The following CYSLTR2 variants were observed in gnomAD, a reference collection of about 807,000 sequenced individuals.
CYSLTR2 encodes G-protein coupled receptor GPCR21.
For missense variants in CYSLTR2, 398 were observed against 411.9 expected, an observed-to-expected ratio of 0.97 and a Z score of 0.29; for synonymous variants, 179 against 160.8, an observed-to-expected ratio of 1.11 and a Z score of -0.86.
In CYSLTR2 at chr13:48,707,060, C is replaced by G. The variant is rs780119389; in HGVS notation, c.243C>G (p.Ala81=). Reference sequence around the variant, plus strand: ...TGAACGTTTTCATGCTAAATCTGGCCATTTCAGATCTCCTGTTCATAAGCA... The same window carrying G: ...TGAACGTTTTCATGCTAAATCTGGCGATTTCAGATCTCCTGTTCATAAGCA... ...TSVNVFMLNL[A]ISDLLFISTL... is the part of the protein sequence containing the mutation. The change falls in exon 5 of 5, where the codon GCC becomes GCG. Residue 81 remains alanine (A), a synonymous_variant. Transcript: ENST00000682523. 1 of 1,614,166 alleles carries G rather than the reference C, an allele frequency of 6.2e-7. No individual in the cohort carries two copies. Among genetic ancestry groups the G allele is most frequent in the East Asian group, 2.2e-5 (1 of 44,888 alleles).
intron 4 of CYSLTR2, among the ~76,000 whole-genome samples, chr13:48,697,545 C>T (rs1954224691): frequency 6.6e-6 from 1 of 152,126 alleles, no homozygotes; most frequent in Admixed American, 6.5e-5. Context: ...TAGATAAAAC[C>T]ACAAAGATGG....
intron 4 of CYSLTR2, among the ~76,000 whole-genome samples, 160 bp downstream of exon 4, chr13:48,696,786 A>T (rs1444964896): frequency 6.6e-6 from 1 of 152,152 alleles, no homozygotes; most frequent in African/African-American, 2.4e-5. Context: ...GGACACTCCC[A>T]CCCTAATACT....
At chr13:48,683,602 G>C (rs1032242780) in intron 1 of CYSLTR2, among the ~76,000 whole-genome samples, 5 of 151,736 alleles carry the variant, frequency 3.3e-5, no homozygotes, top group Admixed American at 6.6e-5. Context: ...TTATAGGTTG[G>C]TTTAAGTTCT....
chr13:48,662,290 C>A (rs1180524534), intron 1 of CYSLTR2, among the ~76,000 whole-genome samples: 1 of 152,168 alleles, frequency 6.6e-6, no homozygotes, highest in African/African-American at 2.4e-5. Context: ...CATAACTTGG[C>A]TATTGTGAAT....
At chr13:48,692,523 T>A (rs191134401) in intron 2 of CYSLTR2, among the ~76,000 whole-genome samples, 2 of 151,660 alleles carry the variant, frequency 1.3e-5, no homozygotes, top group Admixed American at 1.3e-4. Context: ...ACATTTTAAC[T>A]GTAGCTTTAA....
At chr13:48,687,519 A>T (rs1366993428) in intron 1 of CYSLTR2, among the ~76,000 whole-genome samples, 1 of 152,112 alleles carries the variant, frequency 6.6e-6, no homozygotes, top group African/African-American at 2.4e-5. Context: ...TCTATCAATC[A>T]TCTATTATCT....
chr13:48,676,271 T>C (rs1458906380), intron 1 of CYSLTR2, among the ~76,000 whole-genome samples: 1 of 152,200 alleles, frequency 6.6e-6, no homozygotes, highest in Admixed American at 6.5e-5. Flanking sequence ...CTGACTCTCA[T>C]ATATGAGAAT....
At chr13:48,679,236 TA>T (rs956683718) in intron 1 of CYSLTR2, among the ~76,000 whole-genome samples, 3 of 151,958 alleles carry the variant, frequency 2.0e-5, no homozygotes, top group Admixed American at 6.6e-5. Context: ...CCCAGAACCT[TA>T]AAAAAACTCC....
intron 1 of CYSLTR2, among the ~76,000 whole-genome samples, chr13:48,656,145 T>C (rs1952992061): frequency 6.6e-6 from 1 of 152,240 alleles, no homozygotes; most frequent in Non-Finnish European, 1.5e-5. Flanking sequence ...TAAGTTTATT[T>C]CAGCTTGTAT....
intron 1 of CYSLTR2, among the ~76,000 whole-genome samples, chr13:48,690,551 T>C (rs1398828900): frequency 1.3e-5 from 2 of 152,210 alleles, no homozygotes; most frequent in African/African-American, 4.8e-5. Context: ...TGTGATGGAT[T>C]ACGTTTATTG....
intron 1 of CYSLTR2, among the ~76,000 whole-genome samples, chr13:48,662,855 A>G (rs1328097534): frequency 6.6e-6 from 1 of 152,068 alleles, no homozygotes; most frequent in Non-Finnish European, 1.5e-5. Context: ...CTAGTTTGAT[A>G]ATCCCATTTG....
chr13:48,697,920 G>A (rs1954237111), intron 4 of CYSLTR2, among the ~76,000 whole-genome samples: 1 of 152,176 alleles, frequency 6.6e-6, no homozygotes, highest in Non-Finnish European at 1.5e-5. Flanking sequence ...GGTTATCAGT[G>A]ATTTAAGATC....
chr13:48,669,714 T>C (rs1953369536), intron 1 of CYSLTR2, among the ~76,000 whole-genome samples: 1 of 152,234 alleles, frequency 6.6e-6, no homozygotes, highest in South Asian at 2.1e-4. Flanking sequence ...GTCTTTGCTA[T>C]TGTGAATAAG....
At chr13:48,668,819 C>T (rs1953339524) in intron 1 of CYSLTR2, among the ~76,000 whole-genome samples, 1 of 152,046 alleles carries the variant, frequency 6.6e-6, no homozygotes, top group Non-Finnish European at 1.5e-5. Flanking sequence ...TCCATGTGTT[C>T]CCATTGTTCA....
At position 48,691,193 on chromosome 13, in the gene CYSLTR2, C is replaced by A. The variant is rs185027075; in HGVS notation, c.-265-19C>A. 5 of 151,908 alleles carry A rather than the reference C, an allele frequency of 3.3e-5. No homozygotes were observed. The East Asian group carries it at 9.7e-4, about 29-fold the overall frequency. 9.4% of individuals were successfully genotyped at this position (151,908 alleles called of 1,614,324 possible). A position where few individuals can be genotyped will look rare whatever the true frequency, so the allele number is the denominator to read the frequency against. On this transcript the variant is annotated intron_variant, in intron 1 of 4. Transcript: ENST00000682523. ...TACTAGGCAAATTTTACTTTTTGTT[C>A]GTTTGTTTGTTTTTTCAGTCTGAAC...
intron 1 of CYSLTR2, among the ~76,000 whole-genome samples, chr13:48,687,381 T>C (rs531626244): frequency 2.1e-4 from 32 of 150,508 alleles, no homozygotes; most frequent in African/African-American, 7.7e-4. Flanking sequence ...ATTATGTAGA[T>C]GATTGATAGA....
In CYSLTR2 at chr13:48,654,251, T is replaced by TG. The variant is rs1952942775; in HGVS notation, c.-266+234_-266+235insG. 3.1e-5 allele frequency among the ~76,000 whole-genome samples: 4 copies of TG among 129,308 alleles called. No individual in the cohort carries two copies. The East Asian group carries it at 9.3e-4, about 30-fold the overall frequency. 84.8% of individuals were successfully genotyped at this position (129,308 alleles called of 152,430 possible). ...TATTGATATTTTGGGGATCGTCCCT[T>TG]TGTGTGTGTGTGTGTGTGTGTGTGT... On this transcript the variant is annotated intron_variant, in intron 1 of 4. Transcript: ENST00000682523.
At chr13:48,701,255 A>G (rs1254933539) in intron 4 of CYSLTR2, among the ~76,000 whole-genome samples, 1 of 152,180 alleles carries the variant, frequency 6.6e-6, no homozygotes, top group African/African-American at 2.4e-5. Flanking sequence ...ACAGTAACCA[A>G]AACATCACGG....
At position 48,710,434 on chromosome 13, in the gene CYSLTR2, T is replaced by C. The variant is rs1032137158; in HGVS notation, c.*2576T>C. On this transcript the variant is annotated 3_prime_UTR_variant, in exon 5 of 5. Transcript: ENST00000682523. ...TGTTGTGGTATAACAGTGCTTGTGT[T>C]AAAGTCACTCTTATTTTACTTACTA... is the stretch of plus-strand genomic sequence containing the variant. The C allele has an allele frequency of 1.3e-5, 2 of 152,186 alleles. No homozygotes were observed. The highest frequency in any genetic ancestry group is 4.8e-5 in the African/African-American group (2 of 41,438). 9.4% of individuals were successfully genotyped at this position (152,186 alleles called of 1,614,324 possible). A position where few individuals can be genotyped will look rare whatever the true frequency, so the allele number is the denominator to read the frequency against.
Sources: allele counts gnomAD v4.1 joint callset (sites outside exome capture counted in the v4.1 genomes callset), GRCh38; gene constraint gnomAD v4.1.1; transcripts MANE v1.5; gene names NCBI Gene and HGNC (gene_info 2026-07-23, HGNC 2026-07-21).